Variants in LINGO2 observed in about 807,000 individuals in gnomAD.
The protein encoded by LINGO2 is leucine-rich repeat and immunoglobulin-like domain-containing nogo receptor-interacting protein 2.
Under a neutral mutation model 30.6 loss-of-function variants are expected in LINGO2, and 14 were observed. The observed-to-expected ratio is 0.46, with a 90% CI of 0.30 to 0.72. The LOEUF is 0.72. LINGO2 is among the 30% of genes least tolerant of loss of function. LINGO2 has a pLI of 0.07. For synonymous variants in LINGO2, 317 were observed against 288.5 expected (o/e 1.10, Z -1.00); for missense variants, 729 against 751.7 (o/e 0.97, Z 0.35).
chr9:28,203,761 G>A (rs1315430958), intron 4 of LINGO2, among the ~76,000 whole-genome samples: 1 of 152,252 alleles, frequency 6.6e-6, no homozygotes, highest in Non-Finnish European at 1.5e-5. Flanking sequence ...CTTGTTTTGA[G>A]CTTCCTGGAA....
chr9:28,315,511 G>A (rs1379580132), intron 3 of LINGO2, among the ~76,000 whole-genome samples: 2 of 152,096 alleles, frequency 1.3e-5, no homozygotes, highest in Admixed American at 6.5e-5. Flanking sequence ...TTTATTTATG[G>A]AAGCATTCTA....
At chr9:28,557,269 G>C (rs1822766529) in intron 1 of LINGO2, among the ~76,000 whole-genome samples, 1 of 151,802 alleles carries the variant, frequency 6.6e-6, no homozygotes, top group Non-Finnish European at 1.5e-5. Flanking sequence ...CTAATATCCA[G>C]AATCTACAAT....
intron 1 of LINGO2, among the ~76,000 whole-genome samples, chr9:28,601,357 G>C (rs915374364): frequency 1.3e-5 from 2 of 152,106 alleles, no homozygotes; most frequent in Non-Finnish European, 2.9e-5. Flanking sequence ...CCAGCAGGCA[G>C]CCAGGTGCCC....
intron 1 of LINGO2, among the ~76,000 whole-genome samples, chr9:28,613,463 T>C (rs891434906): frequency 4.0e-5 from 6 of 150,032 alleles, no homozygotes; most frequent in African/African-American, 1.5e-4. Context: ...ATATGATATA[T>C]ATATATTTAT....
chr9:29,135,720 A>G, the LINGO2 span, among the ~76,000 whole-genome samples: 22,899 of 152,082 alleles, frequency 0.15, 2,004 homozygotes, highest in South Asian at 0.21. Flanking sequence ...TATGCAACCA[A>G]CCTTCAGAAT....
At chr9:28,815,379 T>A in the LINGO2 span, among the ~76,000 whole-genome samples, 7 of 152,184 alleles carry the variant, frequency 4.6e-5, no homozygotes, top group African/African-American at 1.7e-4. Context: ...CAATTAAGCA[T>A]AATTCAAAAG....
chr9:28,457,288 G>A (rs528433650), intron 2 of LINGO2, among the ~76,000 whole-genome samples: 4 of 152,260 alleles, frequency 2.6e-5, no homozygotes, highest in African/African-American at 9.6e-5. Context: ...TAAAATAAAA[G>A]AAAGCCTTTC....
chr9:28,449,130 G>C (rs1190020375), intron 2 of LINGO2, among the ~76,000 whole-genome samples: 3 of 148,300 alleles, frequency 2.0e-5, no homozygotes, highest in African/African-American at 7.4e-5. Context: ...ATAACAAATG[G>C]TTTTCTTGTG....
At chr9:28,904,536 A>G in the LINGO2 span, among the ~76,000 whole-genome samples, 2 of 152,036 alleles carry the variant, frequency 1.3e-5, no homozygotes, top group South Asian at 4.1e-4. Flanking sequence ...ACATATGAAA[A>G]TCTGTACTGT....
intron 4 of LINGO2, among the ~76,000 whole-genome samples, chr9:28,175,326 A>T (rs916689054): frequency 4.6e-5 from 7 of 152,076 alleles, no homozygotes; most frequent in African/African-American, 1.7e-4. Context: ...TTTGAACCCT[A>T]CACTTGCTCA....
downstream of LINGO2, among the ~76,000 whole-genome samples, chr9:27,946,608 C>G (rs544083575): frequency 2.6e-5 from 4 of 151,840 alleles, no homozygotes; most frequent in African/African-American, 9.7e-5. Context: ...TTTCTATTAA[C>G]TTTTGGAAGT....
At chr9:28,990,068 C>T in the LINGO2 span, among the ~76,000 whole-genome samples, 7 of 152,178 alleles carry the variant, frequency 4.6e-5, no homozygotes, top group African/African-American at 7.2e-5. Context: ...GTGCACCATG[C>T]GTGAGCCGAA....
chr9:28,797,702 G>C, the LINGO2 span, among the ~76,000 whole-genome samples: 2 of 152,004 alleles, frequency 1.3e-5, no homozygotes, highest in African/African-American at 4.8e-5. Context: ...ATAAATTCTT[G>C]AATATATGCA....
the LINGO2 span, among the ~76,000 whole-genome samples, chr9:29,010,858 G>A: frequency 6.2e-5 from 7 of 113,252 alleles, no homozygotes; most frequent in African/African-American, 1.8e-4. Flanking sequence ...CTCCAGCCTG[G>A]GTGACAGAGC....
chr9:27,955,323 A>G (rs1819512547), intron 5 of LINGO2, among the ~76,000 whole-genome samples: 1 of 152,218 alleles, frequency 6.6e-6, no homozygotes, highest in Admixed American at 6.5e-5. Context: ...CACCTAAATT[A>G]AGAAGAAAAC....
chr9:28,486,590 C>T (rs1395758366), intron 1 of LINGO2, among the ~76,000 whole-genome samples: 2 of 152,046 alleles, frequency 1.3e-5, no homozygotes, highest in Non-Finnish European at 2.9e-5. Context: ...TGTATGTATT[C>T]TTTTTCTATT....
At chr9:29,120,467 T>C in the LINGO2 span, among the ~76,000 whole-genome samples, 2 of 152,316 alleles carry the variant, frequency 1.3e-5, no homozygotes, top group Admixed American at 1.3e-4. Flanking sequence ...TTTGTCATAT[T>C]GTCTTATTGT....
At chr9:28,242,785 C>T (rs1821846976) in intron 4 of LINGO2, among the ~76,000 whole-genome samples, 1 of 152,190 alleles carries the variant, frequency 6.6e-6, no homozygotes, top group Admixed American at 6.5e-5. Flanking sequence ...TCAGCAGAAA[C>T]CCTACAAGCC....
intron 4 of LINGO2, among the ~76,000 whole-genome samples, chr9:28,047,796 CAA>C (rs1824492202): frequency 2.4e-5 from 1 of 42,126 alleles, no homozygotes; most frequent in Non-Finnish European, 1.3e-4. Flanking sequence ...AAGAAAAGAG[CAA>C]AGTATTTTTT....
Sources: allele counts gnomAD v4.1 joint callset (sites outside exome capture counted in the v4.1 genomes callset), GRCh38; gene constraint gnomAD v4.1.1; transcripts MANE v1.5; gene names NCBI Gene and HGNC (gene_info 2026-07-23, HGNC 2026-07-21).